The following SPON1 variants were observed in gnomAD, a reference collection of about 807,000 sequenced individuals.
The protein encoded by SPON1 is spondin 1, also known as spondin-1.
A neutral mutation model predicts 111.7 loss-of-function variants in SPON1; 52 were observed. That is an observed-to-expected ratio of 0.47 (90% CI 0.37 to 0.59). The LOEUF is 0.59. Ranked by LOEUF, SPON1 falls within the 20% of genes least tolerant of loss-of-function variation. SPON1 has a pLI of 0.00. For missense variants in SPON1, 957 were observed against 1,068.5 expected (o/e 0.90, Z 1.46); for synonymous variants, 410 against 395.8 (o/e 1.04, Z -0.43).
intron 5 of SPON1, among the ~76,000 whole-genome samples, chr11:14,085,394 T>C (rs1362748644): frequency 1.3e-5 from 2 of 152,218 alleles, no homozygotes; most frequent in African/African-American, 2.4e-5. Context: ...CACCATTGAT[T>C]AAATAGAGAA....
intron 6 of SPON1, among the ~76,000 whole-genome samples, chr11:14,172,675 TAG>T (rs1554932629): frequency 6.6e-6 from 1 of 151,870 alleles, no homozygotes; most frequent in Non-Finnish European, 1.5e-5. Context: ...GGAGCTCTTT[TAG>T]GGCAGGCCTG....
At chr11:13,984,665 CAT>C (rs1848168767) in intron 2 of SPON1, among the ~76,000 whole-genome samples, 1 of 152,210 alleles carries the variant, frequency 6.6e-6, no homozygotes, top group Non-Finnish European at 1.5e-5. Context: ...GTTTCCAACA[CAT>C]AAACTTTGGG....
At position 14,141,029 on chromosome 11, in the gene SPON1, C is replaced by CTCCCA. The variant is rs71041572; in HGVS notation, c.825+5461_825+5462insTCCCA. On this transcript the variant is annotated intron_variant, in intron 6 of 15. Transcript: ENST00000576479. ...CCACTGTATGCAGGCGTGCCCCCCC[C>CTCCCA]ATGCCCCACTTCTCACTGGCTCAAG... is the stretch of plus-strand genomic sequence containing the variant. Among the ~76,000 whole-genome samples, 349 of 132,366 alleles carry CTCCCA rather than the reference C, an allele frequency of 2.6e-3. 6 individuals carry two copies. The highest frequency in any genetic ancestry group is 8.9e-3 in the African/African-American group (324 of 36,364). The allele number at this position is 132,366 out of a possible 152,430, so 86.8% of individuals were successfully genotyped here.
At chr11:14,245,693 C>A (rs1223986087) in intron 7 of SPON1, among the ~76,000 whole-genome samples, 9 of 152,090 alleles carry the variant, frequency 5.9e-5, no homozygotes, top group Admixed American at 5.2e-4. Flanking sequence ...GCTGGCCCAG[C>A]GCAGCCCAGC....
chr11:14,135,241 G>A lies in SPON1; in HGVS notation c.677-179G>A, dbSNP rs1183065342. 3.3e-6 allele frequency: 2 copies of A among 599,284 alleles called. No homozygotes were observed. Among genetic ancestry groups the A allele is most frequent in the Non-Finnish European group, 5.6e-6 (2 of 357,400 alleles). 37.1% of individuals were successfully genotyped at this position (599,284 alleles called of 1,614,324 possible). ...TGTTGACCTGTCTGTACATTCCCAA[G>A]ACCTATTTGCTTATAGGAACTCAGT... On this transcript the variant is annotated intron_variant, in intron 5 of 15. Transcript: ENST00000576479. The surrounding 1 kb of genome is among the most constrained non-coding windows in gnomAD (Gnocchi z 4.4).
intron 2 of SPON1, among the ~76,000 whole-genome samples, chr11:14,010,923 T>C (rs1212767196): frequency 6.6e-6 from 1 of 152,204 alleles, no homozygotes; most frequent in African/African-American, 2.4e-5. Flanking sequence ...AAAAATAAAA[T>C]GCCCTTGATA....
intron 6 of SPON1, among the ~76,000 whole-genome samples, chr11:14,177,787 A>C (rs1412614794): frequency 1.3e-5 from 2 of 152,084 alleles, no homozygotes; most frequent in African/African-American, 4.8e-5. Context: ...GTTTCTCCCA[A>C]AGTTAGTTCA....
chr11:14,066,766 G>C (rs1209636614), intron 3 of SPON1, among the ~76,000 whole-genome samples: 6 of 152,156 alleles, frequency 3.9e-5, no homozygotes, highest in Non-Finnish European at 7.3e-5. Context: ...ACCCAGCACA[G>C]GGACCCTCTG....
At chr11:14,071,191 A>G (rs563820299) in intron 3 of SPON1, among the ~76,000 whole-genome samples, 23 of 152,166 alleles carry the variant, frequency 1.5e-4, no homozygotes, top group African/African-American at 5.5e-4. Context: ...TATAGTTTTG[A>G]TGGGAATAGA....
chr11:13,974,192 T>C (rs1328158565), intron 1 of SPON1, among the ~76,000 whole-genome samples: 3 of 152,214 alleles, frequency 2.0e-5, no homozygotes, highest in African/African-American at 4.8e-5. Flanking sequence ...AGGGGAGCAC[T>C]GTGACTAACT....
At chr11:14,085,420 T>C (rs1413757636) in intron 5 of SPON1, among the ~76,000 whole-genome samples, 1 of 151,280 alleles carries the variant, frequency 6.6e-6, no homozygotes, top group Non-Finnish European at 1.5e-5. Flanking sequence ...TCCCCACTGC[T>C]TTTTTTTTGT....
chr11:14,051,653 G>T (rs1318872085), intron 3 of SPON1, among the ~76,000 whole-genome samples: 2 of 152,112 alleles, frequency 1.3e-5, no homozygotes, highest in African/African-American at 4.8e-5. Flanking sequence ...CACTGAATAT[G>T]GTGGCACCTT....
chr11:14,160,328 G>C (rs1487746990), intron 6 of SPON1, among the ~76,000 whole-genome samples: 1 of 132,666 alleles, frequency 7.5e-6, no homozygotes, highest in African/African-American at 2.9e-5. Flanking sequence ...ATATACCTAA[G>C]CTACTGAACA....
intron 5 of SPON1, among the ~76,000 whole-genome samples, chr11:14,105,855 A>T (rs1316496591): frequency 6.6e-6 from 1 of 152,118 alleles, no homozygotes; most frequent in Non-Finnish European, 1.5e-5. Flanking sequence ...AATAACACAC[A>T]CCTGTATTGG....
At chr11:14,075,511 G>A (rs1199327145) in intron 4 of SPON1, 93 bp downstream of exon 4, 1 of 894,514 alleles carries the variant, frequency 1.1e-6, no homozygotes, top group Non-Finnish European at 1.8e-6. Flanking sequence ...AAGGCCCCTG[G>A]GCTTCGTGAG....
At chr11:14,234,954 G>A (rs1243207589) in intron 6 of SPON1, among the ~76,000 whole-genome samples, 1 of 152,216 alleles carries the variant, frequency 6.6e-6, no homozygotes, top group South Asian at 2.1e-4. Flanking sequence ...GCTTCCCGGG[G>A]AACGGGGCAT....
chr11:13,964,614 C>T (rs1848001597), intron 1 of SPON1, among the ~76,000 whole-genome samples: 1 of 152,214 alleles, frequency 6.6e-6, no homozygotes, highest in Non-Finnish European at 1.5e-5. Context: ...CAGTCTGACC[C>T]CGGCGCGCAG....
At chr11:14,055,061 T>C (rs1281702075) in intron 3 of SPON1, among the ~76,000 whole-genome samples, 2 of 152,192 alleles carry the variant, frequency 1.3e-5, no homozygotes, top group Admixed American at 1.3e-4. Context: ...CCCTCATTTT[T>C]ATATGTGTGG....
intron 7 of SPON1, among the ~76,000 whole-genome samples, chr11:14,250,794 A>G (rs1280187665): frequency 1.3e-5 from 2 of 152,364 alleles, no homozygotes; most frequent in East Asian, 1.9e-4. Context: ...AGGAAAACTC[A>G]TATAGATTCT....
Sources: allele counts gnomAD v4.1 joint callset (sites outside exome capture counted in the v4.1 genomes callset), GRCh38; gene constraint gnomAD v4.1.1; non-coding constraint Gnocchi (gnomAD v3.1); transcripts MANE v1.5; gene names NCBI Gene and HGNC (gene_info 2026-07-23, HGNC 2026-07-21).